SLC22A5: variants seen among roughly 807,000 people sequenced by gnomAD.
The protein encoded by SLC22A5 is organic cation/carnitine transporter 2.
Under a neutral mutation model 56.7 loss-of-function variants are expected in SLC22A5, and 44 were observed. The ratio of observed to expected loss-of-function variants is 0.78; its 90% confidence interval spans 0.61 to 1.00. The LOEUF is 1.00. Ranked by LOEUF, SLC22A5 falls within the 50% of genes least tolerant of loss-of-function variation. SLC22A5 has a pLI of 0.00. For missense variants in SLC22A5, 675 were observed against 723.0 expected, an observed-to-expected ratio of 0.93 and a Z score of 0.76; for synonymous variants, 278 against 292.1, an observed-to-expected ratio of 0.95 and a Z score of 0.49.
intron 1 of SLC22A5, 92 bp from the exon 2 acceptor site, chr5:132,378,286 G>A (rs1752218744): frequency 1.9e-6 from 3 of 1,613,428 alleles, no homozygotes; most frequent in African/African-American, 2.7e-5. Flanking sequence ...TGTGGGGATG[G>A]CAGGATGTTC....
rs1448690417 is a variant in SLC22A5 at position 132,387,169 on chromosome 5, G to A, written c.951+18G>A. ...CGAGTGAGGTAAGCACCATGTGGGT[G>A]TGGGTGAGAGGGACAGACTGACCGT... On this transcript the variant is annotated intron_variant, in intron 5 of 9. Coordinates refer to ENST00000245407, the MANE Select transcript of SLC22A5 (RefSeq NM_003060.4). 6.2e-7 allele frequency: 1 copy of A among 1,614,032 alleles called. No individual in the cohort carries two copies.
Position 132,392,459 on chromosome 5 carries a change from G to T in SLC22A5, c.1294G>T (p.Val432Leu). 6.2e-7 allele frequency: 1 copy of T among 1,614,226 alleles called. No homozygotes were observed. Residue 432 changes from valine to leucine, a missense_variant, in exon 8 of 10, where the codon GTG (valine) becomes TTG (leucine). By Grantham distance (32) the Val-to-Leu change is conservative. Coordinates refer to ENST00000245407, the MANE Select transcript of SLC22A5 (RefSeq NM_003060.4). ...PDLYYLATVL[V>L]MVGKFGVTAA... The stretch of plus-strand genomic sequence containing the variant: ...CTTGTATTATTTGGCTACAGTCCTG[G>T]TGATGGTGGGCAAGTTTGGAGTCAC...
chr5:132,373,340 T>TA (rs1752008904), intron 1 of SLC22A5, among the ~76,000 whole-genome samples: 1 of 151,460 alleles, frequency 6.6e-6, no homozygotes, highest in Non-Finnish European at 1.5e-5. Flanking sequence ...TGCTAGCAAT[T>TA]AATAAATAAA....
chr5:132,377,394 T>C (rs960025798), intron 1 of SLC22A5: 2 of 152,096 alleles, frequency 1.3e-5, no homozygotes, highest in Admixed American at 1.3e-4. Context: ...CCTAGGAGGG[T>C]GGTTGCTCAT....
intron 6 of SLC22A5, chr5:132,389,437 T>G (rs1752632875): frequency 6.4e-6 from 2 of 314,794 alleles, no homozygotes; most frequent in South Asian, 5.5e-5. Flanking sequence ...TCTGGAAATG[T>G]GGAAGTGGGA....
intron 1 of SLC22A5, among the ~76,000 whole-genome samples, chr5:132,373,458 A>G (rs1363478815): frequency 6.6e-6 from 1 of 152,202 alleles, no homozygotes; most frequent in African/African-American, 2.4e-5. Context: ...CAACATGGTG[A>G]AACTCCATCT....
rs1224807531 is a variant in SLC22A5, at chr5:132,388,918, CA to C, written c.952-2del. 1 of 1,597,820 alleles carries C rather than the reference CA, an allele frequency of 6.3e-7. No individual in the cohort carries two copies. The highest frequency in any genetic ancestry group is 1.1e-5 in the South Asian group (1 of 90,722). ...CCATACACTTATGATGTTGTTCCTG[CA>C]GTTACAAGACCTAAGTTCCAAGAAG... On this transcript the variant is annotated splice_acceptor_variant, in intron 5 of 9. Transcript: ENST00000245407. LOFTEE classifies it high-confidence loss of function.
rs748378213 is a variant in SLC22A5, at chr5:132,378,121, A to G, written c.394-257A>G. 5.8e-6 allele frequency: 9 copies of G among 1,553,514 alleles called. No individual in the cohort carries two copies. The South Asian group carries it at 8.2e-5, about 14-fold the overall frequency. ...CTTTCTCCAGGGTCAGCATGTGGACAGAACACTTACTCTCTGCCTGTCTCT... is the reference window on the plus strand; with the variant it reads ...CTTTCTCCAGGGTCAGCATGTGGACGGAACACTTACTCTCTGCCTGTCTCT... On this transcript the variant is annotated intron_variant, in intron 1 of 9. Transcript: ENST00000245407.
rs386134223 is a variant in SLC22A5, at chr5:132,392,577, G to C, written c.1412G>C (p.Arg471Pro). 1.2e-6 allele frequency: 2 copies of C among 1,614,174 alleles called. No homozygotes were observed. The highest frequency in any genetic ancestry group is 1.7e-6 in the Non-Finnish European group (2 of 1,180,032). ...GTGGGAGTCAGCTCCACAGCATCCC[G>C]CCTGGGCAGCATCCTGTCTCCCTAC... ...MGVGVSSTAS[R>P]LGSILSPYFV... Residue 471 changes from arginine to proline, a missense_variant, in exon 8 of 10, where the codon CGC (arginine) becomes CCC (proline). Transcript: ENST00000245407.
chr5:132,373,033 CA>C, intron 1 of SLC22A5, among the ~76,000 whole-genome samples: 1 of 152,078 alleles, frequency 6.6e-6, no homozygotes, highest in Non-Finnish European at 1.5e-5. Flanking sequence ...CATGTAGTAC[CA>C]AACTTTGTGG....
Position 132,384,243 on chromosome 5 carries a change from G to A in SLC22A5, c.594G>A (p.Val198=). ...IFSKNFEMFV[V]LFVLVGMGQI... The stretch of plus-strand genomic sequence containing the variant: ...CGAAGAATTTTGAGATGTTTGTCGT[G>A]CTGTTTGTCCTTGTAGGCATGGGCC... Residue 198 remains valine, a synonymous_variant, in exon 3 of 10, where the codon GTG becomes GTA. Coordinates refer to ENST00000245407, the MANE Select transcript of SLC22A5 (RefSeq NM_003060.4). The A allele has an allele frequency of 6.2e-7, 1 of 1,614,250 alleles. No individual in the cohort carries two copies. The highest frequency in any genetic ancestry group is 8.5e-7 in the Non-Finnish European group (1 of 1,180,050).
chr5:132,377,648 A>C (rs1752191824), intron 1 of SLC22A5: 1 of 163,532 alleles, frequency 6.1e-6, no homozygotes, highest in Non-Finnish European at 1.3e-5. Flanking sequence ...GGTGCAGCCT[A>C]TTCCTTACCC....
chr5:132,379,716 T>C (rs995843472), intron 2 of SLC22A5: 1 of 152,036 alleles, frequency 6.6e-6, no homozygotes, highest in Non-Finnish European at 1.5e-5. Flanking sequence ...ACTCCCGACC[T>C]CAGGTGATCC....
chr5:132,378,224 C>T, intron 1 of SLC22A5, 154 bp from the exon 2 acceptor site: 2 of 1,613,844 alleles, frequency 1.2e-6, no homozygotes, highest in Non-Finnish European at 1.7e-6. Context: ...TGCTCTCTGC[C>T]TTCCTGCCCA....
At position 132,394,360 on chromosome 5, in the gene SLC22A5, CA is replaced by C. The variant is rs142209594; in HGVS notation, c.*92del. On this transcript the variant is annotated 3_prime_UTR_variant, in exon 10 of 10. Coordinates refer to ENST00000245407, the MANE Select transcript of SLC22A5 (RefSeq NM_003060.4). ...GTGCAGACTCCGAGTCCTTCAGTGA[CA>C]AAAGGCCTTTGCTGTTTGTCCTCTT... 0.82 allele frequency: 790,102 copies of C among 959,676 alleles called. 329,143 individuals carry two copies. Among genetic ancestry groups the C allele is most frequent in the East Asian group, 0.93 (39,111 of 41,962 alleles). 59.4% of individuals were successfully genotyped at this position (959,676 alleles called of 1,614,324 possible). A position where few individuals can be genotyped will look rare whatever the true frequency, so the allele number is the denominator to read the frequency against.
At chr5:132,374,623 C>T (rs535846328) in intron 1 of SLC22A5, among the ~76,000 whole-genome samples, 2 of 152,216 alleles carry the variant, frequency 1.3e-5, no homozygotes, top group African/African-American at 4.8e-5. Context: ...TGCGGGGTCC[C>T]GTGGCCCACT....
At chr5:132,390,230 T>C (rs2083913232) in intron 6 of SLC22A5, 1 of 300,976 alleles carries the variant, frequency 3.3e-6, no homozygotes, top group South Asian at 3.1e-5. Flanking sequence ...AGGGTCTCTC[T>C]CCAAGTGTTT....
chr5:132,388,881 C>T (rs780689328), intron 5 of SLC22A5, 40 bp from the exon 6 acceptor site: 15 of 1,293,608 alleles, frequency 1.2e-5, no homozygotes, highest in Non-Finnish European at 1.7e-5. Context: ...AGTCTCTGAC[C>T]ACCTCTTCTT....
rs781684339 is a variant in SLC22A5, at chr5:132,370,209, C to T, written c.237C>T (p.His79=). 2 of 1,588,790 alleles carry T rather than the reference C, an allele frequency of 1.3e-6. No homozygotes were observed. The highest frequency in any genetic ancestry group is 1.7e-6 in the Non-Finnish European group (2 of 1,167,924). The change falls in exon 1 of 10, where the codon CAC becomes CAT. Residue 79 remains histidine, a synonymous_variant. Transcript: ENST00000245407. ...LRLRDGREVP[H]SCRRYRLATI... ...TGCGGGACGGCCGCGAGGTGCCCCA[C>T]AGCTGCCGCCGCTACCGGCTCGCCA...
Sources: gnomAD v4.1 joint callset for allele counts (sites outside exome capture counted in the v4.1 genomes callset) on GRCh38, gnomAD v4.1.1 for gene constraint, MANE v1.5 for transcripts, NCBI Gene and HGNC (gene_info 2026-07-23, HGNC 2026-07-21) for gene names.